Variants in NAV3 observed in about 807,000 individuals in gnomAD.
NAV3 encodes pore membrane and/or filament interacting like protein 1.
Under a neutral mutation model 244.7 loss-of-function variants are expected in NAV3, and 87 were observed. The observed-to-expected ratio is 0.36, with a 90% CI of 0.30 to 0.42. NAV3 has a LOEUF of 0.42. Among genes scored for constraint, NAV3 ranks in the 20% least tolerant of loss-of-function variants. The probability of loss-of-function intolerance (pLI) is 1.00; values close to 1 mark genes in which losing one functional copy is unlikely to be tolerated. For missense variants in NAV3, 2,663 were observed against 2,893.3 expected (o/e 0.92, Z 1.83); for synonymous variants, 1,126 against 1,042.2 (o/e 1.08, Z -1.55).
At chr12:78,048,778 G>A (rs909659841) in intron 9 of NAV3, among the ~76,000 whole-genome samples, 1 of 152,222 alleles carries the variant, frequency 6.6e-6, no homozygotes, top group African/African-American at 2.4e-5. Flanking sequence ...CTTCAGAGCT[G>A]GCAGGCAAGA....
At chr12:77,771,459 G>A (rs1453358670) in intron 2 of NAV3, among the ~76,000 whole-genome samples, 1 of 151,170 alleles carries the variant, frequency 6.6e-6, no homozygotes, top group African/African-American at 2.4e-5. Context: ...AAAGACACAT[G>A]CACATGCATG....
intron 2 of NAV3, among the ~76,000 whole-genome samples, chr12:77,764,124 G>A (rs888520900): frequency 4.6e-5 from 7 of 152,158 alleles, no homozygotes; most frequent in African/African-American, 1.7e-4. Flanking sequence ...TCCCACAAGT[G>A]GATGAATGCC....
At chr12:77,616,248 A>G (rs1592506726) in intron 2 of NAV3, among the ~76,000 whole-genome samples, 1 of 152,198 alleles carries the variant, frequency 6.6e-6, no homozygotes, top group Middle Eastern at 3.4e-3. Context: ...CTCTACTAAA[A>G]ATACAAAAAT....
At chr12:77,893,588 T>TAA (rs533047055) in intron 1 of NAV3, among the ~76,000 whole-genome samples, 6 of 140,594 alleles carry the variant, frequency 4.3e-5, no homozygotes, top group African/African-American at 1.0e-4. Context: ...ATAGCCAAAC[T>TAA]AAAAAAAAAA....
intron 1 of NAV3, among the ~76,000 whole-genome samples, chr12:77,845,797 G>T (rs1366544223): frequency 6.6e-6 from 1 of 151,916 alleles, no homozygotes; most frequent in African/African-American, 2.4e-5. Flanking sequence ...GGGATTACAG[G>T]CACATGCCAC....
chr12:77,618,432 C>G (rs1871227509), intron 2 of NAV3, among the ~76,000 whole-genome samples: 2 of 152,128 alleles, frequency 1.3e-5, no homozygotes, highest in African/African-American at 2.4e-5. Context: ...GTTTTGTCTA[C>G]TAGAAATGGC....
intron 9 of NAV3, among the ~76,000 whole-genome samples, chr12:78,045,851 T>C (rs1881696762): frequency 6.6e-6 from 1 of 152,182 alleles, no homozygotes; most frequent in Admixed American, 6.5e-5. Flanking sequence ...ACTGTGAATC[T>C]GTCTGGTCCT....
chr12:77,800,979 C>T (rs1000321363), intron 2 of NAV3, among the ~76,000 whole-genome samples: 5 of 152,030 alleles, frequency 3.3e-5, no homozygotes, highest in African/African-American at 9.7e-5. Context: ...GGAAAAATAT[C>T]ACAACCATAT....
intron 2 of NAV3, among the ~76,000 whole-genome samples, chr12:77,660,416 C>T (rs1420128081): frequency 2.0e-5 from 3 of 152,094 alleles, no homozygotes; most frequent in Non-Finnish European, 4.4e-5. Context: ...TCGGGAGATT[C>T]ACTTTTATGA....
At chr12:78,191,839 G>GT (rs1243343361) in intron 34 of NAV3, among the ~76,000 whole-genome samples, 1 of 152,036 alleles carries the variant, frequency 6.6e-6, no homozygotes, top group Non-Finnish European at 1.5e-5. Context: ...CTCAATGTTT[G>GT]TTTTTTCCTC....
intron 28 of NAV3, 41 bp downstream of exon 28, chr12:78,177,726 G>T (rs766642298): frequency 1.3e-6 from 2 of 1,562,324 alleles, no homozygotes; most frequent in African/African-American, 1.4e-5. Flanking sequence ...AAAGATCCAG[G>T]TTCTAACCTA....
chr12:77,655,644 C>T (rs1269044435), intron 2 of NAV3, among the ~76,000 whole-genome samples: 6 of 151,972 alleles, frequency 3.9e-5, no homozygotes, highest in Admixed American at 6.6e-5. Context: ...AACTCCAAGA[C>T]ACATAATTGT....
At chr12:77,780,450 GGGTCAAGACTTATTGCAATAAA>G (rs1870606682) in intron 2 of NAV3, among the ~76,000 whole-genome samples, 1 of 152,100 alleles carries the variant, frequency 6.6e-6, no homozygotes, top group African/African-American at 2.4e-5. Flanking sequence ...ATTGCAATAA[GGGTCAAGACTTATTGCAATAAA>G]GGTCAAGATT....
At chr12:77,735,731 G>A (rs1453848116) in intron 2 of NAV3, among the ~76,000 whole-genome samples, 1 of 152,010 alleles carries the variant, frequency 6.6e-6, no homozygotes, top group African/African-American at 2.4e-5. Context: ...ATTTTGCAAG[G>A]AGCATAGAAA....
At chr12:78,188,089 T>C (rs1958806844) in intron 31 of NAV3, among the ~76,000 whole-genome samples, 159 bp from the exon 32 acceptor site, 2 of 152,030 alleles carry the variant, frequency 1.3e-5, no homozygotes, top group South Asian at 4.1e-4. Context: ...ATGTTTTATG[T>C]TATATAATCC....
intron 20 of NAV3, chr12:78,145,229 C>A (rs776818394): frequency 1.3e-5 from 2 of 158,382 alleles, no homozygotes; most frequent in Non-Finnish European, 2.8e-5. Flanking sequence ...TAGGATTCTA[C>A]CACTTAGCCA....
chr12:77,860,175 G>T (rs1393147443), intron 1 of NAV3, among the ~76,000 whole-genome samples: 2 of 151,648 alleles, frequency 1.3e-5, no homozygotes, highest in Admixed American at 1.3e-4. Context: ...CACTATTTAT[G>T]CATAAATCAT....
chr12:77,627,478 C>G (rs1233599774), intron 2 of NAV3, among the ~76,000 whole-genome samples: 2 of 152,082 alleles, frequency 1.3e-5, no homozygotes, highest in African/African-American at 4.8e-5. Context: ...CTATTACAGG[C>G]AACTATACCC....
In NAV3 at chr12:78,188,363, C is replaced by G; in HGVS notation, c.5886+20C>G. The G allele has an allele frequency of 2.6e-6, 4 of 1,544,994 alleles. No individual in the cohort carries two copies. Among genetic ancestry groups the G allele is most frequent in the Non-Finnish European group, 2.7e-6 (3 of 1,127,544 alleles). ...TTTAAGGTATGTTGTGCAAGACACC[C>G]TAATAGTACTTTTCAAATATGTTTC... On this transcript the variant is annotated intron_variant, in intron 32 of 39. Coordinates refer to ENST00000397909, the MANE Select transcript of NAV3 (RefSeq NM_001024383.2).
Sources: allele counts gnomAD v4.1 joint callset (sites outside exome capture counted in the v4.1 genomes callset), GRCh38; gene constraint gnomAD v4.1.1; transcripts MANE v1.5; gene names NCBI Gene and HGNC (gene_info 2026-07-23, HGNC 2026-07-21).